Variants in KIF26B observed in about 807,000 individuals in gnomAD.
KIF26B encodes the protein kinesin family member 26B.
KIF26B carries 63 observed loss-of-function variants against 151.2 expected under a neutral mutation model. The observed-to-expected ratio is 0.42, with a 90% confidence interval of 0.34 to 0.51. The LOEUF (loss-of-function observed/expected upper bound fraction) is 0.51, where lower values mean the gene tolerates loss of function less well. Among genes scored for constraint, KIF26B ranks in the 20% least tolerant of loss-of-function variants. The pLI, the probability that KIF26B is intolerant of heterozygous loss-of-function variation, is 0.07. For missense variants in KIF26B, 2,813 were observed against 2,913.6 expected (o/e 0.97, Z 0.79); for synonymous variants, 1,357 against 1,262.1 (o/e 1.08, Z -1.59).
Position 245,488,552 on chromosome 1 carries a change from C to T in KIF26B, c.1167-52215C>T, listed in dbSNP as rs963950993. On this transcript the variant is annotated intron_variant, in intron 4 of 14. Transcript: ENST00000407071. This position sits in a 1 kb window ranked among gnomAD's most constrained non-coding sequence, Gnocchi z 4.6. Reference sequence around the variant, plus strand: ...GGGGAATGAACTACCCCCTCTGCCTCGGGGACAGGCACCTCCTGGTCCACA... The same window carrying T: ...GGGGAATGAACTACCCCCTCTGCCTTGGGGACAGGCACCTCCTGGTCCACA... Among the ~76,000 whole-genome samples the T allele has an allele frequency of 2.6e-5, 4 of 152,212 alleles. No homozygotes were observed. The highest frequency in any genetic ancestry group is 1.9e-4 in the East Asian group (1 of 5,174).
At chr1:245,630,863 G>T (rs1402460483) in intron 9 of KIF26B, among the ~76,000 whole-genome samples, 1 of 151,916 alleles carries the variant, frequency 6.6e-6, no homozygotes, top group African/African-American at 2.4e-5. Flanking sequence ...TGTTATAGAG[G>T]TATTTCACCT....
intron 4 of KIF26B, among the ~76,000 whole-genome samples, chr1:245,461,571 A>C (rs1008970629): frequency 6.6e-6 from 1 of 152,104 alleles, no homozygotes; most frequent in Non-Finnish European, 1.5e-5. Flanking sequence ...GAGGAAATAA[A>C]TTAATGTCCA....
chr1:245,358,812 C>A lies in KIF26B; in HGVS notation c.466-8022C>A, dbSNP rs368693413. Among the ~76,000 whole-genome samples the A allele has an allele frequency of 6.6e-6, 1 of 152,130 alleles. No homozygotes were observed. The highest frequency in any genetic ancestry group is 1.5e-5 in the Non-Finnish European group (1 of 68,032). ...TATAATCTTGATTAGTGCTTACATG[C>A]GTATAGTTCAGCACTTTATTTTGTG... On this transcript the variant is annotated intron_variant, in intron 2 of 14. Transcript: ENST00000407071. The surrounding 1 kb of genome is among the most constrained non-coding windows in gnomAD (Gnocchi z 4.1).
rs775563226 is a variant in KIF26B at position 245,699,072 on chromosome 1, G to A, written c.6178+35G>A. The A allele has an allele frequency of 5.6e-6, 9 of 1,601,876 alleles. 1 individual carries two copies. In the South Asian group the frequency reaches 1.0e-4, roughly 18 times the overall value. ...GGGTGCCTTCCCACCCTTGTGACTA[G>A]TGGGTTCACCTGCTCAACCGGGCTG... is the stretch of plus-strand genomic sequence containing the variant. On this transcript the variant is annotated intron_variant, in intron 14 of 14. Transcript: ENST00000407071.
chr1:245,640,122 G>GCGCTCTCTCTCTCTCTCTCT lies in KIF26B; in HGVS notation c.2099-5998_2099-5997insGCTCTCTCTCTCTCTCTCTC, dbSNP rs1553299290. Among the ~76,000 whole-genome samples the GCGCTCTCTCTCTCTCTCTCT allele has an allele frequency of 1.3e-4, 7 of 53,984 alleles. No homozygotes were observed. The East Asian group carries it at 2.6e-3, about 20-fold the overall frequency. 35.4% of individuals were successfully genotyped at this position (53,984 alleles called of 152,430 possible). A position where few individuals can be genotyped will look rare whatever the true frequency, so the allele number is the denominator to read the frequency against. ...CTCCTGTTTAGATCTACTAATATTT[G>GCGCTCTCTCTCTCTCTCTCT]CTCTCTCTCTCTCTCTCTCTCTATA... is the stretch of plus-strand genomic sequence containing the variant. On this transcript the variant is annotated intron_variant, in intron 9 of 14. Coordinates refer to ENST00000407071, the MANE Select transcript of KIF26B (RefSeq NM_018012.4).
chr1:245,222,953 C>T (rs933102680), intron 2 of KIF26B, among the ~76,000 whole-genome samples: 1 of 152,056 alleles, frequency 6.6e-6, no homozygotes, highest in African/African-American at 2.4e-5. Flanking sequence ...CTTGTTTATC[C>T]CTTTCACACT....
intron 3 of KIF26B, among the ~76,000 whole-genome samples, chr1:245,403,726 T>A (rs1375911457): frequency 1.3e-5 from 2 of 152,234 alleles, no homozygotes; most frequent in Non-Finnish European, 2.9e-5. Context: ...GTTTCACTCT[T>A]GCCAACGTTT....
chr1:245,605,750 A>G (rs1421356113), intron 6 of KIF26B, among the ~76,000 whole-genome samples: 2 of 151,722 alleles, frequency 1.3e-5, no homozygotes, highest in African/African-American at 4.8e-5. Flanking sequence ...CTCTTAACAC[A>G]CACCAGATGG....
intron 10 of KIF26B, among the ~76,000 whole-genome samples, chr1:245,678,479 T>C (rs2044383361): frequency 6.6e-6 from 1 of 152,120 alleles, no homozygotes; most frequent in African/African-American, 2.4e-5. Flanking sequence ...CATTTAAATA[T>C]TAGTTGTTGT....
chr1:245,455,088 G>A (rs1054504836), intron 4 of KIF26B, among the ~76,000 whole-genome samples: 1 of 152,122 alleles, frequency 6.6e-6, no homozygotes, highest in Admixed American at 6.5e-5. Context: ...TGTTGTTTGC[G>A]CCTCTGCAGG....
intron 2 of KIF26B, among the ~76,000 whole-genome samples, chr1:245,278,183 C>T (rs1030528648): frequency 6.6e-6 from 1 of 152,118 alleles, no homozygotes; most frequent in African/African-American, 2.4e-5. Flanking sequence ...AATCGCACTT[C>T]AGACTCTACA....
At chr1:245,198,455 CTCACGCCTGTAATCCCA>C (rs1669229871) in intron 2 of KIF26B, among the ~76,000 whole-genome samples, 1 of 125,518 alleles carries the variant, frequency 8.0e-6, no homozygotes, top group Admixed American at 8.0e-5. Context: ...GGTGCGGTGG[CTCACGCCTGTAATCCCA>C]GCACTTTGGG....
At chr1:245,178,775 G>A (rs965932950) in intron 2 of KIF26B, among the ~76,000 whole-genome samples, 6 of 152,172 alleles carry the variant, frequency 3.9e-5, no homozygotes, top group African/African-American at 1.4e-4. Context: ...CTTAGGTTTT[G>A]GGGATAAAGG....
At chr1:245,189,662 TA>T (rs1335723106) in intron 2 of KIF26B, among the ~76,000 whole-genome samples, 4 of 152,288 alleles carry the variant, frequency 2.6e-5, no homozygotes, top group South Asian at 2.1e-4. Context: ...CCCCAGAAGT[TA>T]GAACCTTGCG....
At chr1:245,288,945 T>A (rs201068035) in intron 2 of KIF26B, among the ~76,000 whole-genome samples, 2 of 145,944 alleles carry the variant, frequency 1.4e-5, no homozygotes, top group African/African-American at 2.6e-5. Context: ...TGTTTTTTTT[T>A]AAATAACCTT....
At chr1:245,574,879 T>A in intron 5 of KIF26B, among the ~76,000 whole-genome samples, 1 of 145,950 alleles carries the variant, frequency 6.9e-6, no homozygotes, top group East Asian at 2.1e-4. Flanking sequence ...TTTTTTTTTT[T>A]TTGAGACAGA....
intron 2 of KIF26B, among the ~76,000 whole-genome samples, chr1:245,316,791 C>T (rs1671785518): frequency 7.1e-6 from 1 of 140,316 alleles, no homozygotes; most frequent in Non-Finnish European, 1.5e-5. Flanking sequence ...AATATGAATA[C>T]AAGTGTGATT....
chr1:245,698,893 A>C lies in KIF26B; in HGVS notation c.6034A>C (p.Met2012Leu). 6.2e-7 allele frequency: 1 copy of C among 1,613,764 alleles called. No individual in the cohort carries two copies. The highest frequency in any genetic ancestry group is 8.5e-7 in the Non-Finnish European group (1 of 1,179,732). ...RRRGGASKEA[M>L]CFNAKLKILE... ...CTCTCTGTCTGTGTGCTAGGAGGCC[A>C]TGTGCTTCAATGCAAAGCTGAAGAT... The change falls in exon 14 of 15, where the codon ATG becomes CTG. Residue 2012 changes from methionine (M) to leucine (L), a missense_variant. Coordinates refer to ENST00000407071, the MANE Select transcript of KIF26B (RefSeq NM_018012.4). This position sits in a 1 kb window ranked among gnomAD's most constrained non-coding sequence, Gnocchi z 4.0.
At chr1:245,273,557 G>A (rs1430637032) in intron 2 of KIF26B, among the ~76,000 whole-genome samples, 1 of 151,934 alleles carries the variant, frequency 6.6e-6, no homozygotes, top group Non-Finnish European at 1.5e-5. Flanking sequence ...TTGGCTACAT[G>A]CATATTTATA....
Sources: allele counts gnomAD v4.1 joint callset (sites outside exome capture counted in the v4.1 genomes callset), GRCh38; gene constraint gnomAD v4.1.1; non-coding constraint Gnocchi (gnomAD v3.1); transcripts MANE v1.5; gene names NCBI Gene and HGNC (gene_info 2026-07-23, HGNC 2026-07-21).